Variants in TENM3 observed in about 807,000 individuals in gnomAD.
TENM3 encodes the protein teneurin transmembrane protein 3, also known as teneurin-3.
Under a neutral mutation model 255.1 loss-of-function variants are expected in TENM3, and 63 were observed. The ratio of observed to expected loss-of-function variants is 0.25; its 90% CI spans 0.20 to 0.30. The LOEUF is 0.30. Among genes scored for constraint, TENM3 ranks in the 10% least tolerant of loss-of-function variants. The pLI is 1.00. For synonymous variants in TENM3, 1,306 were observed against 1,322.3 expected (o/e 0.99, Z 0.27); for missense variants, 2,929 against 3,461.1 (o/e 0.85, Z 3.86).
Position 182,793,906 on chromosome 4 carries a change from C to A in TENM3, c.7213+21C>A. On this transcript the variant is annotated intron_variant, in intron 26 of 27. Coordinates refer to ENST00000511685, the MANE Select transcript of TENM3 (RefSeq NM_001080477.4). This position sits in a 1 kb window ranked among gnomAD's most constrained non-coding sequence, Gnocchi z 5.7. ...CACAGGTAAGCATTTTGATTCCTTC[C>A]CAAGAGCTGGAGGACTACCATCATT... The A allele has an allele frequency of 6.4e-7, 1 of 1,570,672 alleles. No homozygotes were observed. Among genetic ancestry groups the A allele is most frequent in the Non-Finnish European group, 8.6e-7 (1 of 1,157,782 alleles).
intron 24 of TENM3, among the ~76,000 whole-genome samples, chr4:182,784,306 C>T (rs892862597): frequency 7.2e-5 from 11 of 152,042 alleles, no homozygotes; most frequent in East Asian, 3.9e-4. Context: ...TGTTGGAATA[C>T]CCTGCCGTGT....
chr4:181,465,489 A>G, the TENM3 span, among the ~76,000 whole-genome samples: 14 of 152,350 alleles, frequency 9.2e-5, no homozygotes, highest in African/African-American at 3.4e-4. Flanking sequence ...CTTGAAAGAT[A>G]GTCAGAAAAG....
chr4:182,006,571 T>C, the TENM3 span, among the ~76,000 whole-genome samples: 1 of 152,160 alleles, frequency 6.6e-6, no homozygotes, highest in Non-Finnish European at 1.5e-5. Context: ...TCAGTGGTGA[T>C]ATCCCCTTTA....
At chr4:181,696,444 G>A in the TENM3 span, among the ~76,000 whole-genome samples, 1 of 152,092 alleles carries the variant, frequency 6.6e-6, no homozygotes, top group African/African-American at 2.4e-5. Flanking sequence ...ATTGTATTAG[G>A]AATGCCCTCT....
intron 1 of TENM3, among the ~76,000 whole-genome samples, chr4:182,182,588 A>C (rs549756202): frequency 6.6e-6 from 1 of 152,328 alleles, no homozygotes; most frequent in South Asian, 2.1e-4. Context: ...TAATTATTCT[A>C]AATGACAGAA....
chr4:182,169,592 G>A (rs1751968139), intron 1 of TENM3, among the ~76,000 whole-genome samples: 1 of 152,124 alleles, frequency 6.6e-6, no homozygotes, highest in Non-Finnish European at 1.5e-5. Flanking sequence ...AGAATTTCCA[G>A]TAATAATGAG....
At chr4:181,699,931 A>T in the TENM3 span, among the ~76,000 whole-genome samples, 1 of 152,242 alleles carries the variant, frequency 6.6e-6, no homozygotes, top group Non-Finnish European at 1.5e-5. Context: ...AGATAATGAC[A>T]AATGAGCGTA....
chr4:181,485,057 T>G, the TENM3 span, among the ~76,000 whole-genome samples: 1 of 152,168 alleles, frequency 6.6e-6, no homozygotes, highest in Non-Finnish European at 1.5e-5. Flanking sequence ...TTTCTTTAGA[T>G]AATATTAATT....
At position 182,793,408 on chromosome 4, in the gene TENM3, C is replaced by T; in HGVS notation, c.6736C>T (p.Leu2246=). 1 of 1,613,992 alleles carries T rather than the reference C, an allele frequency of 6.2e-7. No individual in the cohort carries two copies. Among genetic ancestry groups the T allele is most frequent in the Non-Finnish European group, 8.5e-7 (1 of 1,179,882 alleles). The change falls in exon 26 of 28, where the codon CTG becomes TTG. Residue 2246 remains leucine (L), a synonymous_variant. Coordinates refer to ENST00000511685, the MANE Select transcript of TENM3 (RefSeq NM_001080477.4). The surrounding 1 kb of genome is among the most constrained non-coding windows in gnomAD (Gnocchi z 5.7). ...VSSKTSLGQH[L]QFFYADLTYP... ...TAGCAAAACCAGTCTAGGACAGCAC[C>T]TGCAGTTTTTTTATGCTGACTTAAC...
intron 1 of TENM3, among the ~76,000 whole-genome samples, chr4:182,259,575 A>G (rs1758648693): frequency 6.6e-6 from 1 of 152,128 alleles, no homozygotes; most frequent in Non-Finnish European, 1.5e-5. Context: ...TGCCTCCCAA[A>G]GTGCTGGGAA....
chr4:182,801,334 G>C lies in TENM3; in HGVS notation c.*983G>C, dbSNP rs1248650459. The stretch of plus-strand genomic sequence containing the variant: ...TTCTAGGTGGGTGGCGAATCAGAGA[G>C]CTCCTTTCTCTTCCCTCTCTCACGC... On this transcript the variant is annotated 3_prime_UTR_variant, in exon 28 of 28. Transcript: ENST00000511685. The C allele has an allele frequency of 6.6e-6, 1 of 152,198 alleles. No individual in the cohort carries two copies. 9.4% of individuals were successfully genotyped at this position (152,198 alleles called of 1,614,324 possible).
the TENM3 span, among the ~76,000 whole-genome samples, chr4:181,739,164 C>T: frequency 2.0e-5 from 3 of 152,314 alleles, no homozygotes; most frequent in South Asian, 2.1e-4. Context: ...CTGTCCTTGA[C>T]GTTGTAATTG....
intron 3 of TENM3, among the ~76,000 whole-genome samples, chr4:182,588,376 T>G (rs1746255419): frequency 6.6e-6 from 1 of 152,210 alleles, no homozygotes; most frequent in Non-Finnish European, 1.5e-5. Context: ...TCCTTACTCT[T>G]TATAAGCCAC....
intron 3 of TENM3, among the ~76,000 whole-genome samples, chr4:182,477,305 T>C (rs1733768761): frequency 6.6e-6 from 1 of 152,226 alleles, no homozygotes; most frequent in Non-Finnish European, 1.5e-5. Flanking sequence ...GACTGTTTTC[T>C]GAGTTTTACC....
the TENM3 span, among the ~76,000 whole-genome samples, chr4:181,605,476 A>G: frequency 2.5e-4 from 27 of 107,358 alleles, no homozygotes; most frequent in African/African-American, 9.1e-4. Flanking sequence ...GAGAGAGAGA[A>G]ACAGAGAAAG....
In TENM3 at chr4:182,754,331, G is replaced by A. The variant is rs553987489; in HGVS notation, c.4018-54G>A. ...GAATGGTCTAATTTACTCTTCTGGC[G>A]AATTAACTGTAGTGCAGTAACTTAC... On this transcript the variant is annotated intron_variant, in intron 21 of 27. Transcript: ENST00000511685. The surrounding 1 kb of genome is among the most constrained non-coding windows in gnomAD (Gnocchi z 5.1). 206 of 1,477,194 alleles carry A rather than the reference G, an allele frequency of 1.4e-4. 2 individuals are homozygous for A. In the South Asian group the frequency reaches 2.5e-3, roughly 18 times the overall value. The allele number at this position is 1,477,194 out of a possible 1,614,324, so 91.5% of individuals were successfully genotyped here.
intron 4 of TENM3, among the ~76,000 whole-genome samples, chr4:182,612,921 A>G (rs928980490): frequency 1.3e-5 from 2 of 152,192 alleles, no homozygotes; most frequent in African/African-American, 4.8e-5. Flanking sequence ...TCACTGTCAC[A>G]TACACATCAG....
the TENM3 span, among the ~76,000 whole-genome samples, chr4:182,056,036 G>A: frequency 6.6e-6 from 1 of 152,072 alleles, no homozygotes; most frequent in African/African-American, 2.4e-5. Context: ...TTGTGATATT[G>A]AATTGTACTT....
At chr4:181,824,221 C>T in the TENM3 span, among the ~76,000 whole-genome samples, 2 of 151,990 alleles carry the variant, frequency 1.3e-5, no homozygotes, top group Admixed American at 6.6e-5. Context: ...CCCACCTCAG[C>T]CTCCCAGGTA....
Sources: allele counts gnomAD v4.1 joint callset (sites outside exome capture counted in the v4.1 genomes callset), GRCh38; gene constraint gnomAD v4.1.1; non-coding constraint Gnocchi (gnomAD v3.1); transcripts MANE v1.5; gene names NCBI Gene and HGNC (gene_info 2026-07-23, HGNC 2026-07-21).